MSRA: variants seen among roughly 807,000 people sequenced by gnomAD.
MSRA encodes mitochondrial peptide methionine sulfoxide reductase.
MSRA carries 54 observed loss-of-function variants against 31.3 expected under a neutral mutation model. The ratio of observed to expected loss-of-function variants is 1.73; its 90% CI spans 1.39 to 2.17. The LOEUF (loss-of-function observed/expected upper bound fraction) is 2.17. Ranked by LOEUF, MSRA falls within the 30% of genes most tolerant of loss-of-function variation. The pLI, the probability that MSRA is intolerant of heterozygous loss-of-function variation, is 0.00. For missense variants in MSRA, 507 were observed against 300.9 expected (o/e 1.69, Z -5.07); for synonymous variants, 169 against 116.5 (o/e 1.45, Z -2.90).
At chr8:10,184,803 A>G (rs950813000) in intron 1 of MSRA, among the ~76,000 whole-genome samples, 4 of 152,212 alleles carry the variant, frequency 2.6e-5, no homozygotes, top group African/African-American at 9.7e-5. Context: ...ATAACTGACA[A>G]CTGTATGCAA....
chr8:10,213,189 C>A (rs374214454), intron 2 of MSRA, among the ~76,000 whole-genome samples: 13 of 152,130 alleles, frequency 8.5e-5, no homozygotes, highest in African/African-American at 2.7e-4. Context: ...TCTCCTGTAC[C>A]CCTACTACCT....
Position 10,079,532 on chromosome 8 carries a change from C to T in MSRA, c.142+24874C>T, listed in dbSNP as rs548597016. On this transcript the variant is annotated intron_variant, in intron 1 of 5. Transcript: ENST00000317173. Reference sequence around the variant, plus strand: ...CTGCCTTTCTCACTAGCAGCCATGACGTGAGCTCCTGGTAGAAATGAATAG... The same window carrying T: ...CTGCCTTTCTCACTAGCAGCCATGATGTGAGCTCCTGGTAGAAATGAATAG... Among the ~76,000 whole-genome samples, 32 of 152,274 alleles carry T rather than the reference C, an allele frequency of 2.1e-4. 1 individual carries two copies. The highest frequency in any genetic ancestry group is 1.0e-3 in the Admixed American group (16 of 15,306).
chr8:10,288,255 T>G (rs1800043170), intron 3 of MSRA, among the ~76,000 whole-genome samples: 1 of 152,202 alleles, frequency 6.6e-6, no homozygotes, highest in East Asian at 1.9e-4. Context: ...TCCATTAAAT[T>G]TAATACCACA....
chr8:10,298,093 T>C (rs1318153862), intron 3 of MSRA, among the ~76,000 whole-genome samples: 2 of 152,174 alleles, frequency 1.3e-5, no homozygotes, highest in African/African-American at 2.4e-5. Context: ...GTGAAAAAAC[T>C]CATAGGGAGA....
chr8:10,166,064 C>A (rs1805094384), intron 1 of MSRA, among the ~76,000 whole-genome samples: 1 of 152,112 alleles, frequency 6.6e-6, no homozygotes, highest in South Asian at 2.1e-4. Context: ...ACCCTCAAGG[C>A]AGCGAATGAA....
At chr8:10,225,556 G>A (rs1810925634) in intron 2 of MSRA, among the ~76,000 whole-genome samples, 1 of 152,188 alleles carries the variant, frequency 6.6e-6, no homozygotes, top group Non-Finnish European at 1.5e-5. Flanking sequence ...AGTTGCGGAA[G>A]AACTAATTTT....
intron 5 of MSRA, among the ~76,000 whole-genome samples, chr8:10,327,031 A>G (rs1172420119): frequency 1.3e-5 from 2 of 152,202 alleles, no homozygotes; most frequent in African/African-American, 4.8e-5. Flanking sequence ...TCCTTCTGCC[A>G]GCTCTTCAAG....
intron 1 of MSRA, among the ~76,000 whole-genome samples, chr8:10,125,792 A>G (rs969725502): frequency 1.3e-5 from 2 of 152,262 alleles, no homozygotes; most frequent in Non-Finnish European, 2.9e-5. Context: ...CATTGCTATC[A>G]TTTGTTGATG....
intron 5 of MSRA, among the ~76,000 whole-genome samples, chr8:10,402,570 C>T (rs556148215): frequency 4.6e-5 from 7 of 152,308 alleles, no homozygotes; most frequent in African/African-American, 1.7e-4. Context: ...GGAGCCCAGG[C>T]ACTCTATAGC....
intron 5 of MSRA, among the ~76,000 whole-genome samples, chr8:10,391,077 G>C (rs1806715304): frequency 6.6e-6 from 1 of 151,872 alleles, no homozygotes; most frequent in African/African-American, 2.4e-5. Context: ...CTTCAAAAAA[G>C]TAAAAAGAGA....
chr8:10,159,651 A>ATC (rs550782885), intron 1 of MSRA, among the ~76,000 whole-genome samples: 3 of 151,930 alleles, frequency 2.0e-5, no homozygotes, highest in African/African-American at 7.3e-5. Flanking sequence ...AGTAAAGTAA[A>ATC]TTTTGTGTAT....
intron 5 of MSRA, among the ~76,000 whole-genome samples, chr8:10,391,196 C>G (rs1420587957): frequency 6.6e-6 from 1 of 152,188 alleles, no homozygotes; most frequent in Non-Finnish European, 1.5e-5. Context: ...CCCCTTAAAT[C>G]TTTAAGTCAT....
Position 10,138,373 on chromosome 8 carries a change from A to G in MSRA, c.143-69460A>G, listed in dbSNP as rs552192341. ...TGGATGTCACAGTGAAGGGAGAAGGAGAAGAAAGGGAGGCCCAAGGCAGGG... is the reference window on the plus strand; with the variant it reads ...TGGATGTCACAGTGAAGGGAGAAGGGGAAGAAAGGGAGGCCCAAGGCAGGG... On this transcript the variant is annotated intron_variant, in intron 1 of 5. Transcript: ENST00000317173. Among the ~76,000 whole-genome samples the G allele has an allele frequency of 1.1e-4, 16 of 152,276 alleles. No homozygotes were observed. The South Asian group carries it at 3.3e-3, about 32-fold the overall frequency.
chr8:10,367,202 G>C (rs1805217194), intron 5 of MSRA, among the ~76,000 whole-genome samples: 1 of 152,136 alleles, frequency 6.6e-6, no homozygotes, highest in Non-Finnish European at 1.5e-5. Context: ...GTCACTTAAA[G>C]ACATCTTGGT....
At chr8:10,236,348 A>C (rs190965135) in intron 2 of MSRA, among the ~76,000 whole-genome samples, 1 of 152,336 alleles carries the variant, frequency 6.6e-6, no homozygotes, top group Non-Finnish European at 1.5e-5. Flanking sequence ...TCTGTATAGG[A>C]AATCAATGAG....
At chr8:10,122,769 A>G (rs1801220929) in intron 1 of MSRA, among the ~76,000 whole-genome samples, 2 of 152,054 alleles carry the variant, frequency 1.3e-5, no homozygotes, top group African/African-American at 4.8e-5. Flanking sequence ...TCCCACTTCT[A>G]AGTAAAAACA....
At chr8:10,122,217 C>T (rs1801173471) in intron 1 of MSRA, among the ~76,000 whole-genome samples, 1 of 152,128 alleles carries the variant, frequency 6.6e-6, no homozygotes, top group African/African-American at 2.4e-5. Context: ...GCATGTGAAG[C>T]ATCCTAAGGG....
chr8:10,401,980 G>A (rs1226204190), intron 5 of MSRA, among the ~76,000 whole-genome samples: 1 of 152,106 alleles, frequency 6.6e-6, no homozygotes, highest in Non-Finnish European at 1.5e-5. Flanking sequence ...AGTGGTGATG[G>A]TTGCACAGCA....
Position 10,253,101 on chromosome 8 carries a change from A to T in MSRA, c.331+7878A>T, listed in dbSNP as rs560491753. 5.3e-5 allele frequency among the ~76,000 whole-genome samples: 8 copies of T among 152,312 alleles called. No individual in the cohort carries two copies. The South Asian group carries it at 1.7e-3, about 32-fold the overall frequency. ...ATTTTCTATAGCTTCAAATAACTGA[A>T]GGCTGGCAAGCAGCAAAACATAGGG... On this transcript the variant is annotated intron_variant, in intron 3 of 5. Transcript: ENST00000317173.
Sources: gnomAD v4.1 joint callset for allele counts (sites outside exome capture counted in the v4.1 genomes callset) on GRCh38, gnomAD v4.1.1 for gene constraint, MANE v1.5 for transcripts, NCBI Gene and HGNC (gene_info 2026-07-23, HGNC 2026-07-21) for gene names.